Variants in GABRB3 observed in about 807,000 individuals in gnomAD.
The protein encoded by GABRB3 is gamma-aminobutyric acid type A receptor subunit beta3, also known as gamma-aminobutyric acid receptor subunit beta-3.
In GABRB3, 14 loss-of-function variants were observed where a neutral mutation model predicts 52.1. The observed-to-expected ratio is 0.27, with a 90% confidence interval of 0.18 to 0.42. The LOEUF (loss-of-function observed/expected upper bound fraction) is 0.42, where lower values mean the gene tolerates loss of function less well. Ranked by LOEUF, GABRB3 falls within the 10% of genes least tolerant of loss-of-function variation. GABRB3 has a pLI of 1.00. For missense variants in GABRB3, 307 were observed against 609.1 expected (o/e 0.50, Z 5.22); for synonymous variants, 260 against 232.3 (o/e 1.12, Z -1.08).
intron 3 of GABRB3, among the ~76,000 whole-genome samples, chr15:26,729,904 C>A (rs995546917): frequency 5.9e-5 from 9 of 152,174 alleles, no homozygotes; most frequent in African/African-American, 1.9e-4. Flanking sequence ...ACATCTGCCC[C>A]AGCATGGCAG....
chr15:26,558,871 T>C (rs1020105647), intron 8 of GABRB3, among the ~76,000 whole-genome samples: 2 of 150,750 alleles, frequency 1.3e-5, no homozygotes, highest in Non-Finnish European at 2.9e-5. Flanking sequence ...AAGAAATACC[T>C]GAGACTGGGT....
chr15:26,758,318 A>G (rs566962857), intron 3 of GABRB3, among the ~76,000 whole-genome samples: 112 of 152,322 alleles, frequency 7.4e-4, no homozygotes, highest in Admixed American at 4.4e-3. Flanking sequence ...TTAGATGTCA[A>G]TTAACAGAGG....
intron 3 of GABRB3, among the ~76,000 whole-genome samples, chr15:26,771,300 C>G (rs1427856459): frequency 6.6e-6 from 1 of 152,168 alleles, no homozygotes; most frequent in Admixed American, 6.6e-5. Flanking sequence ...GACCCCAAGA[C>G]TCCAGCCTAT....
At chr15:26,772,362 C>A (rs774223323) in intron 3 of GABRB3, 40 bp downstream of exon 3, 5 of 1,559,942 alleles carry the variant, frequency 3.2e-6, no homozygotes, top group African/African-American at 1.4e-5. Flanking sequence ...AGACAGCGGG[C>A]CGGGGGCTCA....
chr15:26,592,269 C>G (rs1891236156), intron 4 of GABRB3, among the ~76,000 whole-genome samples: 1 of 152,182 alleles, frequency 6.6e-6, no homozygotes, highest in Non-Finnish European at 1.5e-5. Context: ...ATCACCTTAA[C>G]CTGATCTTCA....
At chr15:26,623,887 G>A (rs990701681) in intron 3 of GABRB3, among the ~76,000 whole-genome samples, 3 of 152,160 alleles carry the variant, frequency 2.0e-5, no homozygotes, top group Non-Finnish European at 4.4e-5. Context: ...ATGGCATGGT[G>A]TGGCTCCCTG....
intron 4 of GABRB3, chr15:26,614,160 A>C (rs1892174494): frequency 6.6e-6 from 1 of 152,212 alleles, no homozygotes. Flanking sequence ...CCATTTTGAT[A>C]GGGGAGGCAA....
intron 3 of GABRB3, among the ~76,000 whole-genome samples, chr15:26,669,136 C>T (rs1271062792): frequency 6.6e-6 from 1 of 152,156 alleles, no homozygotes; most frequent in Non-Finnish European, 1.5e-5. Flanking sequence ...GTTCTGTCTC[C>T]TTTCTTGGTT....
intron 3 of GABRB3, among the ~76,000 whole-genome samples, chr15:26,685,939 G>C (rs990643770): frequency 2.0e-5 from 3 of 151,918 alleles, no homozygotes; most frequent in Non-Finnish European, 1.5e-5. Flanking sequence ...CACGTAGCTA[G>C]GATAAAAGGT....
chr15:26,571,867 G>A (rs140017656), intron 6 of GABRB3, among the ~76,000 whole-genome samples: 88 of 152,104 alleles, frequency 5.8e-4, no homozygotes, highest in African/African-American at 2.1e-3. Context: ...GGCCAACATG[G>A]TGAAACCCCA....
intron 3 of GABRB3, among the ~76,000 whole-genome samples, chr15:26,717,423 C>A (rs1461988749): frequency 6.6e-6 from 1 of 152,242 alleles, no homozygotes; most frequent in Non-Finnish European, 1.5e-5. Flanking sequence ...CTCCCAGGGA[C>A]TGGATAATGT....
intron 3 of GABRB3, among the ~76,000 whole-genome samples, chr15:26,770,738 G>C (rs1891121997): frequency 6.6e-6 from 1 of 152,234 alleles, no homozygotes; most frequent in South Asian, 2.1e-4. Flanking sequence ...ATTAACTTCT[G>C]TACTAAATTG....
intron 3 of GABRB3, among the ~76,000 whole-genome samples, chr15:26,638,016 C>G (rs1016543570): frequency 5.2e-4 from 79 of 152,122 alleles, no homozygotes; most frequent in Non-Finnish European, 1.2e-4. Flanking sequence ...GCCGGGACTT[C>G]CTATTATTTT....
rs981527529 is a variant in GABRB3, at chr15:26,615,927, G to C, written c.461+5387C>G. ...TAGGAAAGCAATCTCTGCTGGGCAG[G>C]ACCTTCCTCAGCAGTACTTTACAAG... is the stretch of plus-strand genomic sequence containing the variant. On this transcript the variant is annotated intron_variant, in intron 4 of 8. Coordinates refer to ENST00000311550, the MANE Select transcript of GABRB3 (RefSeq NM_000814.6). The C allele has an allele frequency of 7.0e-6, 9 of 1,287,218 alleles. No homozygotes were observed. The Admixed American group carries it at 2.1e-4, about 30-fold the overall frequency. The allele number at this position is 1,287,218 out of a possible 1,614,324, so 79.7% of individuals were successfully genotyped here.
At chr15:26,569,735 C>T (rs542021916) in intron 6 of GABRB3, among the ~76,000 whole-genome samples, 1 of 152,318 alleles carries the variant, frequency 6.6e-6, no homozygotes, top group African/African-American at 2.4e-5. Flanking sequence ...ATGTATGCCG[C>T]TGCCACTATC....
At chr15:26,614,061 G>A (rs1400333063) in intron 4 of GABRB3, 1 of 152,322 alleles carries the variant, frequency 6.6e-6, no homozygotes, top group African/African-American at 2.4e-5. Flanking sequence ...AAAGGGCAAG[G>A]TCAGGACTGC....
rs1197311612 is a variant in GABRB3 at position 26,621,359 on chromosome 15, C to T, written c.416G>A (p.Arg139His). The T allele has an allele frequency of 6.2e-7, 1 of 1,614,032 alleles. No homozygotes were observed. Among genetic ancestry groups the T allele is most frequent in the East Asian group, 2.2e-5 (1 of 44,860 alleles). The change falls in exon 4 of 9, where the codon CGC (arginine) becomes CAC (histidine). Residue 139 changes from arginine to histidine, a missense_variant. Arg to His is a conservative substitution (Grantham distance 29). Coordinates refer to ENST00000311550, the MANE Select transcript of GABRB3 (RefSeq NM_000814.6). This position sits in a 1 kb window ranked among gnomAD's most constrained non-coding sequence, Gnocchi z 4.1. The part of the protein sequence containing the change: ...SFVHGVTVKN[R>H]MIRLHPDGTV... ...CCCATCAGGGTGAAGACGGATCATG[C>T]GGTTTTTCACTGTCACTCCATGCAC...
At chr15:26,666,209 A>G (rs1469354332) in intron 3 of GABRB3, among the ~76,000 whole-genome samples, 1 of 152,232 alleles carries the variant, frequency 6.6e-6, no homozygotes, top group East Asian at 1.9e-4. Flanking sequence ...AATTGTTCAG[A>G]TGAAAGCATT....
intron 3 of GABRB3, among the ~76,000 whole-genome samples, chr15:26,724,739 T>C (rs1230098222): frequency 6.6e-6 from 1 of 152,154 alleles, no homozygotes; most frequent in Non-Finnish European, 1.5e-5. Flanking sequence ...TGCATGGTTC[T>C]CCTTTCTTCC....
Sources: gnomAD v4.1 joint callset for allele counts (sites outside exome capture counted in the v4.1 genomes callset) on GRCh38, gnomAD v4.1.1 for gene constraint, Gnocchi (gnomAD v3.1) non-coding constraint, MANE v1.5 for transcripts, NCBI Gene and HGNC (gene_info 2026-07-23, HGNC 2026-07-21) for gene names.